Variants in SRSF10 observed in about 807,000 individuals in gnomAD.
SRSF10 encodes serine/arginine-rich splicing factor 10.
Under a neutral mutation model 32.6 loss-of-function variants are expected in SRSF10, and 9 were observed. That is an observed-to-expected ratio of 0.28 (90% CI 0.17 to 0.48). The LOEUF (loss-of-function observed/expected upper bound fraction) is 0.48. Among genes scored for constraint, SRSF10 ranks in the 20% least tolerant of loss-of-function variants. The pLI is 0.99. For missense variants in SRSF10, 201 were observed against 331.8 expected (o/e 0.61, Z 3.06); for synonymous variants, 105 against 112.4 (o/e 0.93, Z 0.42).
rs1447205822 is a variant in SRSF10, at chr1:23,970,182, G to C, written c.*960C>G. On this transcript the variant is annotated 3_prime_UTR_variant, in exon 6 of 6. Transcript: ENST00000492112. ...ATCAACGACCTGCTCAAATTTTAAG[G>C]TGAGTTTTTGTGTTTTCTATGTTCC... The C allele has an allele frequency of 1.0e-6, 1 of 985,148 alleles. No individual in the cohort carries two copies. Among genetic ancestry groups the C allele is most frequent in the Non-Finnish European group, 1.2e-6 (1 of 829,916 alleles). The allele number at this position is 985,148 out of a possible 1,614,324, so 61.0% of individuals were successfully genotyped here.
Position 23,968,077 on chromosome 1 carries a change from T to C in SRSF10, c.*3065A>G. The C allele has an allele frequency of 6.7e-6, 10 of 1,482,136 alleles. No individual in the cohort carries two copies. Among genetic ancestry groups the C allele is most frequent in the South Asian group, 1.3e-5 (1 of 75,522 alleles). 91.8% of individuals were successfully genotyped at this position (1,482,136 alleles called of 1,614,324 possible). A position where few individuals can be genotyped will look rare whatever the true frequency, so the allele number is the denominator to read the frequency against. ...TATCATTGAGCCCAGTCATACACAG[T>C]AGGTAAACTCAGTAAGTGGGGGACT... is the stretch of plus-strand genomic sequence containing the variant. On this transcript the variant is annotated 3_prime_UTR_variant, in exon 6 of 6. Transcript: ENST00000492112.
chr1:23,968,241 T>A lies in SRSF10; in HGVS notation c.*2901A>T, dbSNP rs1309396917. ...GGTGTGTCGCTTTAGGAACAACATA[T>A]AAGATTCTCAATAGTCCAAGTCTAA... On this transcript the variant is annotated 3_prime_UTR_variant, in exon 6 of 6. Coordinates refer to ENST00000492112, the MANE Select transcript of SRSF10 (RefSeq NM_054016.4). Among the ~76,000 whole-genome samples, 3 of 152,114 alleles carry A rather than the reference T, an allele frequency of 2.0e-5. No homozygotes were observed. The highest frequency in any genetic ancestry group is 1.3e-4 in the Admixed American group (2 of 15,268).
Position 23,968,951 on chromosome 1 carries a change from A to G in SRSF10, c.*2191T>C, listed in dbSNP as rs1424930728. On this transcript the variant is annotated 3_prime_UTR_variant, in exon 6 of 6. Coordinates refer to ENST00000492112, the MANE Select transcript of SRSF10 (RefSeq NM_054016.4). ...ATGTACCTTTCTGGCAAGTTCTATC[A>G]TTTCCAAAGTAAAAGTTAGTTGTGC... The G allele has an allele frequency of 1.1e-5, 3 of 281,684 alleles. No individual in the cohort carries two copies. The highest frequency in any genetic ancestry group is 1.6e-5 in the Non-Finnish European group (3 of 186,726). The allele number at this position is 281,684 out of a possible 1,614,324, so 17.4% of individuals were successfully genotyped here. A position where few individuals can be genotyped will look rare whatever the true frequency, so the allele number is the denominator to read the frequency against.
Position 23,968,527 on chromosome 1 carries a change from G to GTA in SRSF10, c.*2614_*2615insTA, listed in dbSNP as rs1641570639. 1.4e-4 allele frequency among the ~76,000 whole-genome samples: 22 copies of GTA among 152,178 alleles called. No homozygotes were observed. Among genetic ancestry groups the GTA allele is most frequent in the African/African-American group, 5.3e-4 (22 of 41,498 alleles). ...TATCTTTCTCATAAGGTTTTGTGAA[G>GTA]AGTGAGTTAACACATAGCCTTTTCA... On this transcript the variant is annotated 3_prime_UTR_variant, in exon 6 of 6. Transcript: ENST00000492112.
At chr1:23,971,543 A>G in intron 5 of SRSF10, 30 bp downstream of exon 5, 3 of 1,601,898 alleles carry the variant, frequency 1.9e-6, no homozygotes, top group Non-Finnish European at 2.5e-6. Context: ...TAAAAAATAC[A>G]TGAGTCTTTT....
Position 23,967,888 on chromosome 1 carries a change from C to T in SRSF10, c.*3254G>A, listed in dbSNP as rs1195616879. 3.9e-6 allele frequency: 6 copies of T among 1,548,500 alleles called. No individual in the cohort carries two copies. The highest frequency in any genetic ancestry group is 1.4e-5 in the African/African-American group (1 of 72,578). ...TCCCCTGGGATGTAACTTAACAGCT[C>T]ATACTCTATGTAGCACCTTTCCTCT... On this transcript the variant is annotated 3_prime_UTR_variant, in exon 6 of 6. Transcript: ENST00000492112.
chr1:23,978,977 G>A (rs1403338926), intron 1 of SRSF10, 160 bp from the exon 2 acceptor site: 1 of 403,096 alleles, frequency 2.5e-6, no homozygotes, highest in East Asian at 4.0e-5. Context: ...ATGGTACAAG[G>A]GAATGACCAC....
rs1368548354 is a variant in SRSF10, at chr1:23,969,251, A to T, written c.*1891T>A. 1 of 985,500 alleles carries T rather than the reference A, an allele frequency of 1.0e-6. No homozygotes were observed. Among genetic ancestry groups the T allele is most frequent in the Non-Finnish European group, 1.2e-6 (1 of 829,676 alleles). The allele number at this position is 985,500 out of a possible 1,614,324, so 61.0% of individuals were successfully genotyped here. On this transcript the variant is annotated 3_prime_UTR_variant, in exon 6 of 6. Coordinates refer to ENST00000492112, the MANE Select transcript of SRSF10 (RefSeq NM_054016.4). Reference sequence around the variant, plus strand: ...GAAGCCTCTATAAGAAAGAAAATACAAAGTTTAACCCCACAACTTTCCTCT... The same window carrying T: ...GAAGCCTCTATAAGAAAGAAAATACTAAGTTTAACCCCACAACTTTCCTCT...
chr1:23,965,259 C>T lies in SRSF10; in HGVS notation c.*5883G>A, dbSNP rs1306894527. On this transcript the variant is annotated 3_prime_UTR_variant, in exon 6 of 6. Coordinates refer to ENST00000492112, the MANE Select transcript of SRSF10 (RefSeq NM_054016.4). ...TGCCCTCAGATTATTCCTGAGCTATCACTCAAGTCACAGATACTTCAGAAT... is the reference window on the plus strand; with the variant it reads ...TGCCCTCAGATTATTCCTGAGCTATTACTCAAGTCACAGATACTTCAGAAT... The T allele has an allele frequency of 1.3e-5, 2 of 152,004 alleles. No homozygotes were observed. The highest frequency in any genetic ancestry group is 2.9e-5 in the Non-Finnish European group (2 of 67,842). The allele number at this position is 152,004 out of a possible 1,614,324, so 9.4% of individuals were successfully genotyped here. A position where few individuals can be genotyped will look rare whatever the true frequency, so the allele number is the denominator to read the frequency against.
chr1:23,977,977 C>G (rs1239961458), intron 2 of SRSF10: 14 of 985,036 alleles, frequency 1.4e-5, no homozygotes, highest in Non-Finnish European at 1.7e-5. Flanking sequence ...TCTTTAAGTG[C>G]TTGTCAGAAG....
Position 23,970,581 on chromosome 1 carries a change from G to A in SRSF10, c.*561C>T, listed in dbSNP as rs1332056018. 2.3e-4 allele frequency: 176 copies of A among 758,212 alleles called. No homozygotes were observed. In the African/African-American group the frequency reaches 2.7e-3, roughly 11 times the overall value. 47.0% of individuals were successfully genotyped at this position (758,212 alleles called of 1,614,324 possible). ...TCACCGTGTTGGTCAGGCTGGTCTC[G>A]AACTCCTGACCTCGTGATCCGCCCG... On this transcript the variant is annotated 3_prime_UTR_variant, in exon 6 of 6. Transcript: ENST00000492112.
rs1285575606 is a variant in SRSF10 at position 23,969,880 on chromosome 1, C to T, written c.*1262G>A. 1.0e-6 allele frequency: 1 copy of T among 985,262 alleles called. No homozygotes were observed. Among genetic ancestry groups the T allele is most frequent in the African/African-American group, 1.7e-5 (1 of 57,222 alleles). 61.0% of individuals were successfully genotyped at this position (985,262 alleles called of 1,614,324 possible). On this transcript the variant is annotated 3_prime_UTR_variant, in exon 6 of 6. Coordinates refer to ENST00000492112, the MANE Select transcript of SRSF10 (RefSeq NM_054016.4). The stretch of plus-strand genomic sequence containing the variant: ...CAGAATCACCTAGAATGAGTGTTGT[C>T]TTACAACTTGCCTCGTATTAAATAA...
chr1:23,975,905 C>T (rs1489132102), intron 2 of SRSF10: 1 of 152,210 alleles, frequency 6.6e-6, no homozygotes, highest in Admixed American at 6.5e-5. Flanking sequence ...CAGCCTTAAG[C>T]AGGAACTACT....
At chr1:23,972,231 A>T (rs1641801795) in intron 3 of SRSF10, among the ~76,000 whole-genome samples, 2 of 152,018 alleles carry the variant, frequency 1.3e-5, no homozygotes, top group Non-Finnish European at 2.9e-5. Flanking sequence ...GCAACATAGC[A>T]ATATGCCATT....
In SRSF10 at chr1:23,974,305, A is replaced by G. The variant is rs935800719; in HGVS notation, c.274+669T>C. Among the ~76,000 whole-genome samples, 7 of 152,194 alleles carry G rather than the reference A, an allele frequency of 4.6e-5. No individual in the cohort carries two copies. In the South Asian group the frequency reaches 6.2e-4, roughly 13 times the overall value. ...TAATTAGTATCTTGCCCAAGGTAAC[A>G]TAATGGCTAAGCCAGAATTCACACA... is the stretch of plus-strand genomic sequence containing the variant. On this transcript the variant is annotated intron_variant, in intron 3 of 5. Transcript: ENST00000492112.
In SRSF10 at chr1:23,967,741, T is replaced by TG. The variant is rs1196688140; in HGVS notation, c.*3400dup. On this transcript the variant is annotated 3_prime_UTR_variant, in exon 6 of 6. Coordinates refer to ENST00000492112, the MANE Select transcript of SRSF10 (RefSeq NM_054016.4). ...AGTTTGGTCTTAAATAAAAGAAGGATGTTTGTCAGTTTGGTTTCCTTTATT... is the reference window on the plus strand; with the variant it reads ...AGTTTGGTCTTAAATAAAAGAAGGATGGTTTGTCAGTTTGGTTTCCTTTATT... 47 of 1,611,350 alleles carry TG rather than the reference T, an allele frequency of 2.9e-5. No homozygotes were observed. Among genetic ancestry groups the TG allele is most frequent in the Non-Finnish European group, 3.5e-5 (41 of 1,177,964 alleles).
At chr1:23,979,935 G>A (rs1430005847) in intron 1 of SRSF10, among the ~76,000 whole-genome samples, 6 of 151,940 alleles carry the variant, frequency 3.9e-5, no homozygotes, top group Non-Finnish European at 5.9e-5. Context: ...GAAGCAGGGA[G>A]AAAGGGGCTG....
Position 23,966,856 on chromosome 1 carries a change from ATT to A in SRSF10, c.*4284_*4285del, listed in dbSNP as rs1263827903. 15 of 152,204 alleles carry A rather than the reference ATT, an allele frequency of 9.9e-5. No individual in the cohort carries two copies. The highest frequency in any genetic ancestry group is 3.6e-4 in the African/African-American group (15 of 41,562). 9.4% of individuals were successfully genotyped at this position (152,204 alleles called of 1,614,324 possible). On this transcript the variant is annotated 3_prime_UTR_variant, in exon 6 of 6. Transcript: ENST00000492112. The stretch of plus-strand genomic sequence containing the variant: ...CACAATTACTTATCCTTGATCGTAT[ATT>A]GTGTTCTATAATTACATTGATACGA...
intron 5 of SRSF10, 40 bp from the exon 6 acceptor site, chr1:23,971,479 A>G: frequency 6.3e-7 from 1 of 1,584,428 alleles, no homozygotes; most frequent in Non-Finnish European, 8.6e-7. Flanking sequence ...AGTAAAAATT[A>G]GATTCTATAT....
Sources: gnomAD v4.1 joint callset for allele counts (sites outside exome capture counted in the v4.1 genomes callset) on GRCh38, gnomAD v4.1.1 for gene constraint, MANE v1.5 for transcripts, NCBI Gene and HGNC (gene_info 2026-07-23, HGNC 2026-07-21) for gene names.